Variants in PRKN observed in about 807,000 individuals in gnomAD.
The protein encoded by PRKN is parkin RBR E3 ubiquitin protein ligase, also known as E3 ubiquitin-protein ligase parkin.
Under a neutral mutation model 59.5 loss-of-function variants are expected in PRKN, and 56 were observed. That is an observed-to-expected ratio of 0.94 (90% confidence interval 0.76 to 1.18). The LOEUF (loss-of-function observed/expected upper bound fraction) is 1.18, where lower values mean the gene tolerates loss of function less well. PRKN is among the 50% of genes most tolerant of loss of function. The probability of loss-of-function intolerance (pLI) is 0.00; values close to 1 mark genes in which losing one functional copy is unlikely to be tolerated. For synonymous variants in PRKN, 250 were observed against 222.1 expected (o/e 1.13, Z -1.12); for missense variants, 657 against 596.4 (o/e 1.10, Z -1.06).
intron 7 of PRKN, among the ~76,000 whole-genome samples, chr6:161,655,114 G>A (rs111891794): frequency 0.019 from 2,456 of 130,274 alleles, 6 homozygotes; most frequent in African/African-American, 0.036. Flanking sequence ...ATTAGCATGG[G>A]CCTGGCCCCT....
At chr6:162,712,709 GA>G (rs1441157747) in intron 1 of PRKN, among the ~76,000 whole-genome samples, 1 of 152,220 alleles carries the variant, frequency 6.6e-6, no homozygotes, top group Non-Finnish European at 1.5e-5. Flanking sequence ...GCATATGATA[GA>G]AACCTAGTTA....
At chr6:162,123,805 T>TA (rs1477711545) in intron 4 of PRKN, among the ~76,000 whole-genome samples, 1 of 152,204 alleles carries the variant, frequency 6.6e-6, no homozygotes, top group Non-Finnish European at 1.5e-5. Flanking sequence ...CAATATGAAT[T>TA]ACTTAACTAT....
At position 161,526,385 on chromosome 6, in the gene PRKN, A is replaced by G. The variant is rs546887979; in HGVS notation, c.1083+22469T>C. Among the ~76,000 whole-genome samples, 1 of 152,294 alleles carries G rather than the reference A, an allele frequency of 6.6e-6. No homozygotes were observed. The highest frequency in any genetic ancestry group is 2.1e-4 in the South Asian group (1 of 4,824). On this transcript the variant is annotated intron_variant, in intron 9 of 11. Coordinates refer to ENST00000366898, the MANE Select transcript of PRKN (RefSeq NM_004562.3). The surrounding 1 kb of genome is among the most constrained non-coding windows in gnomAD (Gnocchi z 4.1). ...GAATAATTGCTTCTTGCTTACTTTG[A>G]AAAGTACCTAAGCTACAACAATGGG...
At chr6:162,708,864 C>T (rs897692248) in intron 1 of PRKN, among the ~76,000 whole-genome samples, 3 of 152,138 alleles carry the variant, frequency 2.0e-5, no homozygotes, top group African/African-American at 7.2e-5. Flanking sequence ...GGAACTGGGC[C>T]ACACAGCAGG....
intron 2 of PRKN, among the ~76,000 whole-genome samples, chr6:162,399,943 C>T (rs1332452044): frequency 1.2e-4 from 18 of 152,170 alleles, no homozygotes; most frequent in Admixed American, 7.2e-4. Flanking sequence ...CAGTGGCTCA[C>T]GCTTGTAATT....
At position 162,131,164 on chromosome 6, in the gene PRKN, A is replaced by G. The variant is rs532761179; in HGVS notation, c.534+69967T>C. 8.5e-5 allele frequency among the ~76,000 whole-genome samples: 13 copies of G among 152,332 alleles called. No homozygotes were observed. The East Asian group carries it at 2.3e-3, about 27-fold the overall frequency. On this transcript the variant is annotated intron_variant, in intron 4 of 11. Transcript: ENST00000366898. The stretch of plus-strand genomic sequence containing the variant: ...ATGAACTACTTGCAGATTCAGCTTA[A>G]TAATGACTGACTGAGAATGCATCAG...
intron 6 of PRKN, among the ~76,000 whole-genome samples, chr6:161,891,978 C>T (rs1176809651): frequency 9.3e-6 from 1 of 107,004 alleles, no homozygotes; most frequent in East Asian, 3.1e-4. Context: ...GGATGGTTTA[C>T]GAAATTCCCA....
At position 161,502,841 on chromosome 6, in the gene PRKN, G is replaced by C. The variant is rs559668643; in HGVS notation, c.1083+46013C>G. Among the ~76,000 whole-genome samples, 116 of 152,272 alleles carry C rather than the reference G, an allele frequency of 7.6e-4. 1 individual carries two copies. Among genetic ancestry groups the C allele is most frequent in the African/African-American group, 2.8e-3 (116 of 41,562 alleles). ...ATAAGTACATGCTCTGGAGTAGAAGGCTCTGGATTAAAAACCTGACTCCAC... is the reference window on the plus strand; with the variant it reads ...ATAAGTACATGCTCTGGAGTAGAAGCCTCTGGATTAAAAACCTGACTCCAC... On this transcript the variant is annotated intron_variant, in intron 9 of 11. Transcript: ENST00000366898. The surrounding 1 kb of genome is among the most constrained non-coding windows in gnomAD (Gnocchi z 4.0).
chr6:161,885,366 C>T (rs1222243068), intron 6 of PRKN, among the ~76,000 whole-genome samples: 2 of 152,050 alleles, frequency 1.3e-5, no homozygotes, highest in Non-Finnish European at 2.9e-5. Context: ...GCTGTCTATT[C>T]AACAATAAGA....
At chr6:162,394,752 A>G (rs894936669) in intron 2 of PRKN, among the ~76,000 whole-genome samples, 9 of 152,226 alleles carry the variant, frequency 5.9e-5, no homozygotes, top group African/African-American at 2.2e-4. Context: ...TCTGCAATGC[A>G]GTGTAAATTC....
intron 7 of PRKN, among the ~76,000 whole-genome samples, chr6:161,614,453 C>T (rs1358893383): frequency 2.0e-5 from 3 of 152,184 alleles, no homozygotes; most frequent in African/African-American, 7.2e-5. Context: ...TTTAAAACAT[C>T]TTTTAGCATG....
chr6:162,449,873 A>G (rs893709927), intron 1 of PRKN, among the ~76,000 whole-genome samples: 1 of 151,100 alleles, frequency 6.6e-6, no homozygotes, highest in African/African-American at 2.5e-5. Flanking sequence ...AAGAGTGAAC[A>G]AAAAAAATGA....
chr6:161,786,714 C>A (rs1209379127), intron 6 of PRKN, among the ~76,000 whole-genome samples: 1 of 152,026 alleles, frequency 6.6e-6, no homozygotes, highest in Non-Finnish European at 1.5e-5. Context: ...CATTTTCTCA[C>A]ATTTTATTGG....
rs929840680 is a variant in PRKN, at chr6:161,376,871, C to T, written c.1167+9923G>A. On this transcript the variant is annotated intron_variant, in intron 10 of 11. Coordinates refer to ENST00000366898, the MANE Select transcript of PRKN (RefSeq NM_004562.3). The surrounding 1 kb of genome is among the most constrained non-coding windows in gnomAD (Gnocchi z 7.3). ...AGCCTGTTCTCCTGGGAACCTATAACCTGTGGCACTTGGTGCCTGGATAGT... is the reference window on the plus strand; with the variant it reads ...AGCCTGTTCTCCTGGGAACCTATAATCTGTGGCACTTGGTGCCTGGATAGT... Among the ~76,000 whole-genome samples, 2 of 152,208 alleles carry T rather than the reference C, an allele frequency of 1.3e-5. No individual in the cohort carries two copies. Among genetic ancestry groups the T allele is most frequent in the Non-Finnish European group, 2.9e-5 (2 of 68,034 alleles).
chr6:162,426,704 C>T (rs1412593703), intron 2 of PRKN, among the ~76,000 whole-genome samples: 1 of 152,212 alleles, frequency 6.6e-6, no homozygotes, highest in African/African-American at 2.4e-5. Flanking sequence ...ACCTGGGCCT[C>T]CCAAAGTGCT....
chr6:161,792,126 A>C (rs924350578), intron 6 of PRKN, among the ~76,000 whole-genome samples: 18 of 152,212 alleles, frequency 1.2e-4, no homozygotes, highest in African/African-American at 4.3e-4. Flanking sequence ...TATTTTGACT[A>C]TAACTGCATG....
At chr6:162,401,719 T>C (rs2097056359) in intron 2 of PRKN, among the ~76,000 whole-genome samples, 2 of 151,848 alleles carry the variant, frequency 1.3e-5, no homozygotes, top group Admixed American at 1.3e-4. Context: ...AGAAAGAAAA[T>C]ATACAAAATT....
intron 2 of PRKN, among the ~76,000 whole-genome samples, chr6:162,349,153 C>T (rs9458530): frequency 0.033 from 5,066 of 152,190 alleles, 277 homozygotes; most frequent in African/African-American, 0.12. Context: ...TGAATCTACA[C>T]AAACTTTAGC....
At position 161,353,607 on chromosome 6, in the gene PRKN, G is replaced by A. The variant is rs1346116170; in HGVS notation, c.1286-3396C>T. Among the ~76,000 whole-genome samples, 13 of 152,174 alleles carry A rather than the reference G, an allele frequency of 8.5e-5. No homozygotes were observed. The highest frequency in any genetic ancestry group is 8.5e-4 in the Admixed American group (13 of 15,276). ...ACCCTTCCCCCATACCTCGCCCTCT[G>A]CATCTCTTCATCTGTATCTTTTGTA... is the stretch of plus-strand genomic sequence containing the variant. On this transcript the variant is annotated intron_variant, in intron 11 of 11. Coordinates refer to ENST00000366898, the MANE Select transcript of PRKN (RefSeq NM_004562.3). This position sits in a 1 kb window ranked among gnomAD's most constrained non-coding sequence, Gnocchi z 4.8.
Sources: allele counts gnomAD v4.1 joint callset (sites outside exome capture counted in the v4.1 genomes callset), GRCh38; gene constraint gnomAD v4.1.1; non-coding constraint Gnocchi (gnomAD v3.1); transcripts MANE v1.5; gene names NCBI Gene and HGNC (gene_info 2026-07-23, HGNC 2026-07-21).